The following TRPC5 variants were observed in gnomAD, a reference collection of about 807,000 sequenced individuals.
TRPC5 encodes short transient receptor potential channel 5.
Under a neutral mutation model 56.5 loss-of-function variants are expected in TRPC5, and 9 were observed. That is an observed-to-expected ratio of 0.16 (90% CI 0.10 to 0.28). TRPC5 has a LOEUF of 0.28. TRPC5 is among the 10% of genes least tolerant of loss of function. TRPC5 has a pLI of 1.00. For missense variants in TRPC5, 469 were observed against 748.9 expected (o/e 0.63, Z 4.36); for synonymous variants, 282 against 278.5 (o/e 1.01, Z -0.13).
chrX:112,025,051 C>T (rs749346730), intron 1 of TRPC5, among the ~76,000 whole-genome samples: 1 of 111,897 alleles, frequency 8.9e-6, no homozygotes, highest in Non-Finnish European at 1.9e-5. Context: ...CTATTCATAC[C>T]AAATACAACA....
intron 2 of TRPC5, among the ~76,000 whole-genome samples, chrX:111,935,419 T>C (rs530769243): frequency 8.9e-6 from 1 of 112,059 alleles, no homozygotes; most frequent in South Asian, 3.7e-4. Flanking sequence ...TTCTGTAGGT[T>C]GCCTCTTCAC....
intron 1 of TRPC5, among the ~76,000 whole-genome samples, chrX:112,066,600 A>G (rs140104311): frequency 0.013 from 1,449 of 112,413 alleles, 32 homozygotes; most frequent in African/African-American, 0.045. Flanking sequence ...TTCACCATTT[A>G]TTAGTTATGC....
chrX:111,995,614 A>T (rs1446007160), intron 1 of TRPC5, among the ~76,000 whole-genome samples: 1 of 111,344 alleles, frequency 9.0e-6, no homozygotes, highest in Non-Finnish European at 1.9e-5. Flanking sequence ...TTGGTTTGGT[A>T]GGCTATGAAT....
At chrX:111,840,102 G>A (rs1193326264) in intron 6 of TRPC5, among the ~76,000 whole-genome samples, 3 of 112,513 alleles carry the variant, frequency 2.7e-5, no homozygotes, top group African/African-American at 6.5e-5. Context: ...CCCGGGAGGT[G>A]GAGCTTGCAG....
At position 111,993,216 on chromosome X, in the gene TRPC5, G is replaced by A. The variant is rs952216536; in HGVS notation, c.-21-40775C>T. On this transcript the variant is annotated intron_variant, in intron 1 of 10. Transcript: ENST00000262839. ...GGTTTCCAGCTTCATCCATGTCCCT[G>A]CAAAGGACATGAACTCATCCTTCTT... 4.9e-4 allele frequency among the ~76,000 whole-genome samples: 54 copies of A among 110,815 alleles called. 1 individual carries two copies. The highest frequency in any genetic ancestry group is 8.9e-4 in the Non-Finnish European group (47 of 52,979).
At chrX:112,051,677 A>G (rs12014696) in intron 1 of TRPC5, among the ~76,000 whole-genome samples, 16,721 of 111,700 alleles carry the variant, frequency 0.15, 1,116 homozygotes, top group African/African-American at 0.25. Flanking sequence ...TTTTAAGTAC[A>G]CAGTCCAGTA....
chrX:111,960,992 A>C (rs1160125028), intron 1 of TRPC5, among the ~76,000 whole-genome samples: 1 of 110,139 alleles, frequency 9.1e-6, no homozygotes, highest in African/African-American at 3.3e-5. Context: ...TTGTATTTTT[A>C]GTGCAGACGA....
chrX:111,977,246 A>G lies in TRPC5; in HGVS notation c.-21-24805T>C, dbSNP rs756883020. Among the ~76,000 whole-genome samples the G allele has an allele frequency of 6.3e-5, 7 of 111,878 alleles. No individual in the cohort carries two copies. The South Asian group carries it at 1.9e-3, about 30-fold the overall frequency. ...ATTTCCTGACTCTAAGTTATATTAT[A>G]GTAATTAAAACATTACGGTACCAGC... On this transcript the variant is annotated intron_variant, in intron 1 of 10. Coordinates refer to ENST00000262839, the MANE Select transcript of TRPC5 (RefSeq NM_012471.3).
intron 3 of TRPC5, among the ~76,000 whole-genome samples, chrX:111,855,559 T>C (rs1485091055): frequency 8.9e-6 from 1 of 112,099 alleles, no homozygotes; most frequent in Non-Finnish European, 1.9e-5. Context: ...TTTTGGAGTC[T>C]AGCCTGTCCT....
chrX:111,879,229 T>TA (rs969994759), intron 3 of TRPC5, among the ~76,000 whole-genome samples: 3 of 111,418 alleles, frequency 2.7e-5, no homozygotes, highest in East Asian at 2.8e-4. Flanking sequence ...GAGAGGGTTG[T>TA]AAAAAAAAGG....
chrX:111,905,130 G>A (rs1247898819), intron 3 of TRPC5, among the ~76,000 whole-genome samples: 4 of 109,542 alleles, frequency 3.7e-5, no homozygotes, highest in Non-Finnish European at 7.6e-5. Context: ...AACTCTGAAC[G>A]TTATTAACCC....
intron 1 of TRPC5, among the ~76,000 whole-genome samples, chrX:112,013,402 C>T (rs1392922688): frequency 2.7e-5 from 3 of 111,817 alleles, no homozygotes; most frequent in Admixed American, 9.5e-5. Context: ...CTGCCTGCCT[C>T]GGCCTCTCAT....
At chrX:111,834,721 C>T (rs762670967) in intron 7 of TRPC5, among the ~76,000 whole-genome samples, 200 bp downstream of exon 7, 1 of 112,053 alleles carries the variant, frequency 8.9e-6, no homozygotes, top group Non-Finnish European at 1.9e-5. Context: ...ACTCGAATAA[C>T]TTAGATGATG....
At chrX:112,029,266 T>A (rs1473046915) in intron 1 of TRPC5, among the ~76,000 whole-genome samples, 5 of 112,026 alleles carry the variant, frequency 4.5e-5, no homozygotes, top group Admixed American at 9.5e-5. Flanking sequence ...GTGCCTGGAT[T>A]ATTTCAATTA....
At chrX:111,928,589 G>A (rs1201631895) in intron 2 of TRPC5, among the ~76,000 whole-genome samples, 3 of 111,860 alleles carry the variant, frequency 2.7e-5, no homozygotes, top group African/African-American at 3.2e-5. Flanking sequence ...TTGTCACAGC[G>A]GACCAAGTGT....
At position 111,968,689 on chromosome X, in the gene TRPC5, A is replaced by G. The variant is rs1206446533; in HGVS notation, c.-21-16248T>C. On this transcript the variant is annotated intron_variant, in intron 1 of 10. Coordinates refer to ENST00000262839, the MANE Select transcript of TRPC5 (RefSeq NM_012471.3). ...TGTCCTTTGTAGGGACATGGATGAA[A>G]CTGGAAACCATCATTCTCAGCAAAC... is the stretch of plus-strand genomic sequence containing the variant. Among the ~76,000 whole-genome samples, 21 of 107,630 alleles carry G rather than the reference A, an allele frequency of 2.0e-4. 1 individual carries two copies. Among genetic ancestry groups the G allele is most frequent in the Non-Finnish European group, 4.0e-4 (21 of 52,232 alleles). 93.5% of individuals were successfully genotyped at this position (107,630 alleles called of 115,157 possible). A position where few individuals can be genotyped will look rare whatever the true frequency, so the allele number is the denominator to read the frequency against.
At chrX:111,960,814 TA>T (rs1346098786) in intron 1 of TRPC5, among the ~76,000 whole-genome samples, 1 of 110,588 alleles carries the variant, frequency 9.0e-6, no homozygotes, top group Non-Finnish European at 1.9e-5. Flanking sequence ...TTTAATTAAT[TA>T]ATTATTATTA....
At chrX:112,056,947 T>C (rs1283428362) in intron 1 of TRPC5, among the ~76,000 whole-genome samples, 2 of 112,422 alleles carry the variant, frequency 1.8e-5, no homozygotes, top group African/African-American at 3.2e-5. Flanking sequence ...TCAGAAAACA[T>C]TTTCTTCCTT....
chrX:111,803,006 C>A (rs1480210285), intron 7 of TRPC5, among the ~76,000 whole-genome samples: 2 of 110,894 alleles, frequency 1.8e-5, no homozygotes. Flanking sequence ...CTAATGCTAT[C>A]CCTCCCCCAG....
Sources: allele counts gnomAD v4.1 joint callset (sites outside exome capture counted in the v4.1 genomes callset), GRCh38; gene constraint gnomAD v4.1.1; transcripts MANE v1.5; gene names NCBI Gene and HGNC (gene_info 2026-07-23, HGNC 2026-07-21).